SDK1: variants seen among roughly 807,000 people sequenced by gnomAD.
SDK1 encodes protein sidekick-1.
SDK1 carries 157 observed loss-of-function variants against 245.5 expected under a neutral mutation model. That is an observed-to-expected ratio of 0.64 (90% CI 0.56 to 0.73). The LOEUF is 0.73. SDK1 is among the 30% of genes least tolerant of loss of function. The pLI, the probability that SDK1 is intolerant of heterozygous loss-of-function variation, is 0.00. For synonymous variants in SDK1, 1,647 were observed against 1,278.5 expected, an observed-to-expected ratio of 1.29 and a Z score of -6.15; for missense variants, 3,583 against 3,002.3, an observed-to-expected ratio of 1.19 and a Z score of -4.52.
intron 42 of SDK1, among the ~76,000 whole-genome samples, chr7:4,239,552 A>G (rs1786391761): frequency 2.0e-5 from 3 of 152,148 alleles, no homozygotes; most frequent in African/African-American, 7.2e-5. Context: ...TTTTAAATAG[A>G]CGGGTTTCAC....
chr7:4,022,699 T>C (rs1177840681), intron 17 of SDK1, among the ~76,000 whole-genome samples: 1 of 152,088 alleles, frequency 6.6e-6, no homozygotes. Flanking sequence ...AGATCAGCAG[T>C]ATGTAGTGAG....
At chr7:3,931,881 T>C (rs532255527) in intron 5 of SDK1, among the ~76,000 whole-genome samples, 2 of 152,368 alleles carry the variant, frequency 1.3e-5, no homozygotes, top group Admixed American at 6.5e-5. Context: ...CCTATTGTAA[T>C]TGACTTGCCA....
At chr7:4,149,110 C>T in intron 29 of SDK1, 152 bp from the exon 30 acceptor site, 1 of 473,076 alleles carries the variant, frequency 2.1e-6, no homozygotes. Flanking sequence ...TCTCCCTGAC[C>T]CAAGGAAGGG....
chr7:3,649,277 A>C (rs1782937051), intron 4 of SDK1, among the ~76,000 whole-genome samples: 1 of 152,190 alleles, frequency 6.6e-6, no homozygotes, highest in Admixed American at 6.5e-5. Context: ...ACATTTTAAA[A>C]AACACCTTAT....
chr7:4,087,841 T>A (rs1337262002), intron 22 of SDK1, among the ~76,000 whole-genome samples: 1 of 152,226 alleles, frequency 6.6e-6, no homozygotes, highest in Non-Finnish European at 1.5e-5. Flanking sequence ...ATCTGGAGAA[T>A]GGGGTCAGTA....
At chr7:3,638,352 C>G (rs1305165626) in intron 2 of SDK1, among the ~76,000 whole-genome samples, 1 of 152,056 alleles carries the variant, frequency 6.6e-6, no homozygotes, top group Non-Finnish European at 1.5e-5. Context: ...TATTGTGGCA[C>G]TATTCACAAT....
chr7:3,543,869 G>C lies in SDK1; in HGVS notation c.299-75211G>C, dbSNP rs369695144. ...GTGACTTCAGAAGACCCATTTATTG[G>C]TTACTTGATAGTACAAACACCAACA... On this transcript the variant is annotated intron_variant, in intron 1 of 44. Coordinates refer to ENST00000404826, the MANE Select transcript of SDK1 (RefSeq NM_152744.4). 7.9e-4 allele frequency among the ~76,000 whole-genome samples: 121 copies of C among 152,250 alleles called. 2 individuals are homozygous for C. The Middle Eastern group carries it at 0.01, about 13-fold the overall frequency.
At chr7:3,339,874 A>G (rs994106987) in intron 1 of SDK1, among the ~76,000 whole-genome samples, 7 of 152,102 alleles carry the variant, frequency 4.6e-5, no homozygotes, top group African/African-American at 1.7e-4. Context: ...AGTCAGTGAA[A>G]TTGAAAAGAG....
intron 1 of SDK1, among the ~76,000 whole-genome samples, chr7:3,472,119 G>A (rs186072228): frequency 1.3e-5 from 2 of 152,212 alleles, no homozygotes; most frequent in Non-Finnish European, 2.9e-5. Flanking sequence ...CCTTCCCACT[G>A]TGTTGTGGGT....
At chr7:3,580,754 G>T (rs954267408) in intron 1 of SDK1, among the ~76,000 whole-genome samples, 4 of 151,974 alleles carry the variant, frequency 2.6e-5, no homozygotes, top group Non-Finnish European at 5.9e-5. Context: ...GGAGCATGAG[G>T]TCAAGAGATT....
intron 1 of SDK1, among the ~76,000 whole-genome samples, chr7:3,429,710 C>A (rs769166614): frequency 1.1e-4 from 17 of 151,792 alleles, no homozygotes; most frequent in Non-Finnish European, 1.8e-4. Flanking sequence ...AATCCTCCCG[C>A]CTCAGCCTCC....
intron 4 of SDK1, among the ~76,000 whole-genome samples, chr7:3,729,566 A>G (rs74508286): frequency 0.074 from 11,227 of 152,168 alleles, 473 homozygotes; most frequent in Middle Eastern, 0.13. Context: ...CAACAGTGCT[A>G]GATATGGGAA....
rs182477430 is a variant in SDK1, at chr7:3,630,029, C to A, written c.459-8975C>A. Among the ~76,000 whole-genome samples the A allele has an allele frequency of 2.5e-3, 373 of 152,184 alleles. 3 individuals carry two copies. Among genetic ancestry groups the A allele is most frequent in the South Asian group, 0.018 (85 of 4,816 alleles). ...TGGATGGGACCATCAGGAAACTAGACATCACAGAAGAAGATATTAATAAAG... is the reference window on the plus strand; with the variant it reads ...TGGATGGGACCATCAGGAAACTAGAAATCACAGAAGAAGATATTAATAAAG... On this transcript the variant is annotated intron_variant, in intron 2 of 44. Coordinates refer to ENST00000404826, the MANE Select transcript of SDK1 (RefSeq NM_152744.4).
At chr7:4,141,788 G>A (rs769339316) in intron 28 of SDK1, among the ~76,000 whole-genome samples, 12 of 152,108 alleles carry the variant, frequency 7.9e-5, no homozygotes, top group African/African-American at 1.2e-4. Context: ...ACAGAGTCTC[G>A]CTCAGTCGCC....
At chr7:4,256,526 A>G (rs997636065) in intron 44 of SDK1, among the ~76,000 whole-genome samples, 3 of 152,252 alleles carry the variant, frequency 2.0e-5, no homozygotes, top group Admixed American at 6.5e-5. Flanking sequence ...AAGCTGTAGC[A>G]TTGGTTTTCA....
intron 31 of SDK1, among the ~76,000 whole-genome samples, chr7:4,160,104 T>G (rs975865800): frequency 4.6e-5 from 7 of 152,210 alleles, no homozygotes; most frequent in East Asian, 1.9e-4. Flanking sequence ...GTTAATCTAC[T>G]TAAAGTGGGG....
chr7:4,029,754 G>A (rs546830275), intron 17 of SDK1, among the ~76,000 whole-genome samples: 1 of 152,276 alleles, frequency 6.6e-6, no homozygotes, highest in Admixed American at 6.5e-5. Flanking sequence ...TCTGTGACTT[G>A]GAGCAAATGG....
At chr7:3,655,650 A>G (rs1452702535) in intron 4 of SDK1, among the ~76,000 whole-genome samples, 2 of 151,696 alleles carry the variant, frequency 1.3e-5, no homozygotes, top group Middle Eastern at 3.4e-3. Context: ...TTGAAGGCCC[A>G]GCAACTTAAA....
intron 1 of SDK1, among the ~76,000 whole-genome samples, chr7:3,495,599 T>G (rs1781999973): frequency 6.6e-6 from 1 of 152,166 alleles, no homozygotes; most frequent in Admixed American, 6.5e-5. Flanking sequence ...TTCAGGCTCT[T>G]TGCAACATTG....
Sources: allele counts gnomAD v4.1 joint callset (sites outside exome capture counted in the v4.1 genomes callset), GRCh38; gene constraint gnomAD v4.1.1; transcripts MANE v1.5; gene names NCBI Gene and HGNC (gene_info 2026-07-23, HGNC 2026-07-21).